The following FMN2 variants were observed in gnomAD, a reference collection of about 807,000 sequenced individuals.
FMN2 encodes formin-2.
FMN2 carries 51 observed loss-of-function variants against 142.3 expected under a neutral mutation model. That is an observed-to-expected ratio of 0.36 (90% CI 0.29 to 0.45). The LOEUF (loss-of-function observed/expected upper bound fraction) is 0.45, where lower values mean the gene tolerates loss of function less well. Among genes scored for constraint, FMN2 ranks in the 20% least tolerant of loss-of-function variants. The pLI, the probability that FMN2 is intolerant of heterozygous loss-of-function variation, is 1.00. For synonymous variants in FMN2, 882 were observed against 869.8 expected (o/e 1.01, Z -0.25); for missense variants, 1,936 against 2,122.8 (o/e 0.91, Z 1.73).
chr1:240,445,406 G>A (rs1675771113), intron 16 of FMN2, among the ~76,000 whole-genome samples: 1 of 152,202 alleles, frequency 6.6e-6, no homozygotes, highest in African/African-American at 2.4e-5. Context: ...CATTTAGAGA[G>A]GTTGGTCAGA....
intron 4 of FMN2, among the ~76,000 whole-genome samples, chr1:240,195,479 A>G (rs763631323): frequency 1.3e-5 from 2 of 152,236 alleles, no homozygotes; most frequent in Non-Finnish European, 2.9e-5. Flanking sequence ...TTCAGGCTTC[A>G]GTGATGCTGC....
intron 8 of FMN2, among the ~76,000 whole-genome samples, chr1:240,308,076 G>C (rs1393014677): frequency 1.3e-5 from 2 of 152,322 alleles, no homozygotes; most frequent in South Asian, 2.1e-4. Flanking sequence ...TGTTGCCCAG[G>C]ATGGTGGGTA....
chr1:240,228,367 G>A lies in FMN2; in HGVS notation c.4065+17132G>A, dbSNP rs567255690. On this transcript the variant is annotated intron_variant, in intron 6 of 17. Transcript: ENST00000319653. ...AAAGAAAAAGAAAGAAAAAAAATGG[G>A]CAAAAGGTTTCAGTAGGGATTTCTC... 3.6e-4 allele frequency among the ~76,000 whole-genome samples: 50 copies of A among 137,668 alleles called. 2 individuals are homozygous for A. The highest frequency in any genetic ancestry group is 7.9e-3 in the Middle Eastern group (2 of 252). The allele number at this position is 137,668 out of a possible 152,430, so 90.3% of individuals were successfully genotyped here.
intron 13 of FMN2, among the ~76,000 whole-genome samples, chr1:240,335,423 T>A (rs566569792): frequency 6.6e-6 from 1 of 152,274 alleles, no homozygotes; most frequent in East Asian, 1.9e-4. Flanking sequence ...AAGCTAAGAA[T>A]GAATTCTTAA....
At chr1:240,293,453 AAAGAAGAT>A (rs1312626102) in intron 7 of FMN2, among the ~76,000 whole-genome samples, 1 of 152,192 alleles carries the variant, frequency 6.6e-6, no homozygotes, top group African/African-American at 2.4e-5. Flanking sequence ...GCACAAATTG[AAAGAAGAT>A]AATTCCATAC....
chr1:240,446,756 G>A (rs892985929), intron 16 of FMN2, among the ~76,000 whole-genome samples: 7 of 152,064 alleles, frequency 4.6e-5, no homozygotes, highest in African/African-American at 1.7e-4. Flanking sequence ...CTAGAGCCTG[G>A]ATTTTTAAGA....
intron 15 of FMN2, among the ~76,000 whole-genome samples, chr1:240,435,193 C>G (rs1675324890): frequency 6.6e-6 from 1 of 151,968 alleles, no homozygotes; most frequent in African/African-American, 2.4e-5. Context: ...CAGTTTATAA[C>G]TTGCAAGGTA....
At chr1:240,226,945 G>C (rs1254496066) in intron 6 of FMN2, among the ~76,000 whole-genome samples, 2 of 152,084 alleles carry the variant, frequency 1.3e-5, no homozygotes, top group African/African-American at 4.8e-5. Context: ...AAAAAGACAA[G>C]GATGTTCATT....
chr1:240,125,516 T>C (rs1241835133), intron 2 of FMN2, among the ~76,000 whole-genome samples: 1 of 152,204 alleles, frequency 6.6e-6, no homozygotes, highest in Non-Finnish European at 1.5e-5. Context: ...TTCTAGAAGA[T>C]ATATTGATTT....
chr1:240,188,236 CA>C lies in FMN2; in HGVS notation c.1965del (p.Lys655AsnfsTer13). The part of the protein sequence containing the change: ...ESQSAVSETP[Q>X]KRSDAVQKEV... ...TCAATCTGCTGTTTCAGAAACTCCC[CA>C]AAAACGCTCAGATGCTGTCCAGAAG... On this transcript the variant is annotated frameshift_variant, in exon 4 of 18. Coordinates refer to ENST00000319653, the MANE Select transcript of FMN2 (RefSeq NM_020066.5). LOFTEE classifies it high-confidence loss of function. The C allele has an allele frequency of 6.2e-7, 1 of 1,613,828 alleles. No individual in the cohort carries two copies. Among genetic ancestry groups the C allele is most frequent in the Non-Finnish European group, 8.5e-7 (1 of 1,179,882 alleles).
rs117857979 is a variant in FMN2 at position 240,235,079 on chromosome 1, G to C, written c.4066-22866G>C. Among the ~76,000 whole-genome samples, 11 of 152,260 alleles carry C rather than the reference G, an allele frequency of 7.2e-5. No homozygotes were observed. The East Asian group carries it at 1.9e-3, about 27-fold the overall frequency. ...TCTATAACACATGACTCATACTAAA[G>C]AGTAATTTGGTATTTATACAAACTA... On this transcript the variant is annotated intron_variant, in intron 6 of 17. Coordinates refer to ENST00000319653, the MANE Select transcript of FMN2 (RefSeq NM_020066.5).
chr1:240,294,767 A>G, intron 7 of FMN2, 55 bp from the exon 8 acceptor site: 2 of 1,556,876 alleles, frequency 1.3e-6, no homozygotes, highest in Non-Finnish European at 1.8e-6. Context: ...GAGATGGTCA[A>G]ACATCTTTTC....
chr1:240,294,398 T>C (rs1203682014), intron 7 of FMN2, among the ~76,000 whole-genome samples: 1 of 152,262 alleles, frequency 6.6e-6, no homozygotes, highest in Non-Finnish European at 1.5e-5. Context: ...TAAGTCCATC[T>C]GTTTAATGAT....
Position 240,093,223 on chromosome 1 carries a change from G to A in FMN2, c.1114G>A (p.Glu372Lys). 1 of 1,527,568 alleles carries A rather than the reference G, an allele frequency of 6.5e-7. No individual in the cohort carries two copies. Among genetic ancestry groups the A allele is most frequent in the Non-Finnish European group, 8.8e-7 (1 of 1,138,968 alleles). The allele number at this position is 1,527,568 out of a possible 1,614,324, so 94.6% of individuals were successfully genotyped here. A position where few individuals can be genotyped will look rare whatever the true frequency, so the allele number is the denominator to read the frequency against. ...GGAGGAGTGGGCCCCGGAGGTGGGA[G>A]AGGACGCCCCGCAGAGGCTGGGGGA... ...PGEEWAPEVG[E>K]DAPQRLGEEP... Residue 372 changes from glutamate to lysine, a missense_variant, in exon 1 of 18, where the codon GAG becomes AAG. Glu to Lys is a moderately conservative substitution (Grantham distance 56). This residue lies in a region of FMN2 where 751 missense variants were observed against 791.8 expected (regional missense o/e 0.95). Transcript: ENST00000319653.
At chr1:240,297,153 A>G (rs1376599526) in intron 8 of FMN2, among the ~76,000 whole-genome samples, 1 of 152,288 alleles carries the variant, frequency 6.6e-6, no homozygotes, top group South Asian at 2.1e-4. Context: ...TTACATATAT[A>G]CATTTGGTGT....
At chr1:240,416,738 TTTG>T (rs1179749981) in intron 15 of FMN2, among the ~76,000 whole-genome samples, 1 of 150,292 alleles carries the variant, frequency 6.7e-6, no homozygotes, top group African/African-American at 2.4e-5. Flanking sequence ...GAAATTTTGA[TTTG>T]TTGATTATCT....
intron 8 of FMN2, among the ~76,000 whole-genome samples, chr1:240,325,296 T>TTG (rs1553363114): frequency 1.7e-4 from 24 of 141,286 alleles, no homozygotes; most frequent in African/African-American, 6.6e-4. Flanking sequence ...TAAGCTGAGA[T>TTG]CGCGCCACTG....
chr1:240,102,367 A>C (rs1287326359), intron 1 of FMN2, among the ~76,000 whole-genome samples: 4 of 152,190 alleles, frequency 2.6e-5, no homozygotes. Context: ...GATGCTCTTC[A>C]TTATTGAGAT....
At chr1:240,100,640 A>G (rs1661380162) in intron 1 of FMN2, among the ~76,000 whole-genome samples, 1 of 152,206 alleles carries the variant, frequency 6.6e-6, no homozygotes, top group African/African-American at 2.4e-5. Context: ...CTGCTCCACT[A>G]TGGGTGAGAA....
Sources: allele counts gnomAD v4.1 joint callset (sites outside exome capture counted in the v4.1 genomes callset), GRCh38; gene constraint gnomAD v4.1.1; regional missense constraint gnomAD v4.1.1; transcripts MANE v1.5; gene names NCBI Gene and HGNC (gene_info 2026-07-23, HGNC 2026-07-21).